The following SMAP1 variants were observed in gnomAD, a reference collection of about 807,000 sequenced individuals.
SMAP1 encodes the protein stromal membrane-associated protein 1.
A neutral mutation model predicts 58.5 loss-of-function variants in SMAP1; 24 were observed. That is an observed-to-expected ratio of 0.41 (90% CI 0.30 to 0.58). SMAP1 has a LOEUF of 0.58. SMAP1 is among the 20% of genes least tolerant of loss of function. The probability of loss-of-function intolerance (pLI) is 0.29; values close to 1 mark genes in which losing one functional copy is unlikely to be tolerated. For missense variants in SMAP1, 563 were observed against 566.3 expected, an observed-to-expected ratio of 0.99 and a Z score of 0.06; for synonymous variants, 216 against 196.6, an observed-to-expected ratio of 1.10 and a Z score of -0.82.
At chr6:70,729,893 C>T (rs1422360528) in intron 1 of SMAP1, among the ~76,000 whole-genome samples, 1 of 152,196 alleles carries the variant, frequency 6.6e-6, no homozygotes, top group Non-Finnish European at 1.5e-5. Context: ...TGGATGGCAG[C>T]ATGGGCATCA....
At chr6:70,725,407 C>G (rs1042062868) in intron 1 of SMAP1, among the ~76,000 whole-genome samples, 2 of 152,012 alleles carry the variant, frequency 1.3e-5, no homozygotes, top group Non-Finnish European at 2.9e-5. Context: ...TGAGGGAAAA[C>G]TTGTTTTTAT....
chr6:70,771,252 G>T lies in SMAP1; in HGVS notation c.339-2098G>T, dbSNP rs558583007. Among the ~76,000 whole-genome samples, 6 of 152,378 alleles carry T rather than the reference G, an allele frequency of 3.9e-5. No individual in the cohort carries two copies. The East Asian group carries it at 9.6e-4, about 24-fold the overall frequency. The stretch of plus-strand genomic sequence containing the variant: ...TGCCCATTCTCAGATCTCCAGCTGT[G>T]TGCTGGGAGCACCACTGTTCTCTTC... On this transcript the variant is annotated intron_variant, in intron 3 of 10. Transcript: ENST00000370455.
intron 1 of SMAP1, among the ~76,000 whole-genome samples, chr6:70,686,319 A>G (rs1000536490): frequency 1.3e-5 from 2 of 152,066 alleles, no homozygotes; most frequent in Admixed American, 1.3e-4. Flanking sequence ...TGTTTAGTTT[A>G]CTTTTGAAAC....
chr6:70,789,863 TTTG>T (rs1294646768), intron 4 of SMAP1, among the ~76,000 whole-genome samples: 2 of 151,962 alleles, frequency 1.3e-5, no homozygotes, highest in Non-Finnish European at 2.9e-5. Context: ...TGTCTGAATT[TTTG>T]TTGTTGTTGT....
chr6:70,787,949 G>C (rs1359744689), intron 4 of SMAP1, among the ~76,000 whole-genome samples: 1 of 151,862 alleles, frequency 6.6e-6, no homozygotes, highest in Non-Finnish European at 1.5e-5. Context: ...CCCATTACTG[G>C]GTATATACCC....
intron 7 of SMAP1, chr6:70,837,696 T>C: frequency 5.5e-6 from 4 of 727,162 alleles, no homozygotes; most frequent in Non-Finnish European, 5.2e-6. Context: ...TTTTTTCTTC[T>C]AAAAGAATTG....
intron 3 of SMAP1, among the ~76,000 whole-genome samples, chr6:70,762,911 A>G (rs1766812420): frequency 6.6e-6 from 1 of 151,960 alleles, no homozygotes; most frequent in Non-Finnish European, 1.5e-5. Context: ...TTTCACAGAT[A>G]CATGTTATTT....
At chr6:70,706,802 A>G (rs1767858606) in intron 1 of SMAP1, among the ~76,000 whole-genome samples, 1 of 152,170 alleles carries the variant, frequency 6.6e-6, no homozygotes, top group Admixed American at 6.5e-5. Flanking sequence ...TTTTGGCATG[A>G]ATGTATGGTC....
At chr6:70,765,686 T>C (rs1766941561) in intron 3 of SMAP1, among the ~76,000 whole-genome samples, 1 of 152,190 alleles carries the variant, frequency 6.6e-6, no homozygotes, top group Non-Finnish European at 1.5e-5. Context: ...ATTGTATACT[T>C]GACAAATTTT....
chr6:70,740,989 G>A (rs1331746372), intron 2 of SMAP1, among the ~76,000 whole-genome samples: 1 of 152,128 alleles, frequency 6.6e-6, no homozygotes, highest in African/African-American at 2.4e-5. Context: ...ACAGTAAGGG[G>A]AAAACCGCCC....
chr6:70,783,384 A>G (rs886971978), intron 4 of SMAP1, among the ~76,000 whole-genome samples: 9 of 152,196 alleles, frequency 5.9e-5, no homozygotes, highest in Non-Finnish European at 2.9e-5. Context: ...AAACTCTAAA[A>G]AGCAGAGCAC....
chr6:70,817,697 T>A (rs1769699283), intron 6 of SMAP1, among the ~76,000 whole-genome samples: 1 of 152,194 alleles, frequency 6.6e-6, no homozygotes, highest in Admixed American at 6.5e-5. Context: ...ATCTCTTTGT[T>A]GATTTTAAAG....
chr6:70,805,083 C>T (rs1769059410), intron 6 of SMAP1, among the ~76,000 whole-genome samples: 1 of 152,094 alleles, frequency 6.6e-6, no homozygotes, highest in South Asian at 2.1e-4. Context: ...TGGATAATAT[C>T]CTGAAGAGTG....
At chr6:70,818,948 G>A (rs901117924) in intron 6 of SMAP1, among the ~76,000 whole-genome samples, 3 of 151,938 alleles carry the variant, frequency 2.0e-5, no homozygotes, top group Admixed American at 6.6e-5. Flanking sequence ...CAGCAGTTGC[G>A]TAGCCATCAC....
rs551822056 is a variant in SMAP1 at position 70,697,993 on chromosome 6, C to T, written c.118+29852C>T. On this transcript the variant is annotated intron_variant, in intron 1 of 10. Coordinates refer to ENST00000370455, the MANE Select transcript of SMAP1 (RefSeq NM_001044305.3). ...CGTTTTTTTGTGTGCTTACTATTAC[C>T]AGTGAGCTTTTTACCTTAAGATGAT... is the stretch of plus-strand genomic sequence containing the variant. Among the ~76,000 whole-genome samples, 3 of 152,230 alleles carry T rather than the reference C, an allele frequency of 2.0e-5. No homozygotes were observed. The South Asian group carries it at 6.2e-4, about 32-fold the overall frequency.
At chr6:70,712,792 C>A (rs1292172821) in intron 1 of SMAP1, among the ~76,000 whole-genome samples, 1 of 130,376 alleles carries the variant, frequency 7.7e-6, no homozygotes, top group East Asian at 2.1e-4. Flanking sequence ...TTCTTTTTTT[C>A]TTTTCTTTTT....
chr6:70,782,805 T>C (rs1281915981), intron 4 of SMAP1, among the ~76,000 whole-genome samples: 1 of 152,202 alleles, frequency 6.6e-6, no homozygotes, highest in Non-Finnish European at 1.5e-5. Flanking sequence ...CTGACCCAGA[T>C]GGCCAGTATG....
chr6:70,791,797 T>G, intron 5 of SMAP1, 28 bp downstream of exon 5: 3 of 1,572,410 alleles, frequency 1.9e-6, no homozygotes. Flanking sequence ...CCAGCTACAT[T>G]ATGTAGTGTT....
chr6:70,831,424 C>G (rs765464741), intron 6 of SMAP1, among the ~76,000 whole-genome samples: 3 of 152,138 alleles, frequency 2.0e-5, no homozygotes, highest in Non-Finnish European at 4.4e-5. Flanking sequence ...CTTCCACCCT[C>G]CAACCTGAAG....
Sources: gnomAD v4.1 joint callset for allele counts (sites outside exome capture counted in the v4.1 genomes callset) on GRCh38, gnomAD v4.1.1 for gene constraint, MANE v1.5 for transcripts, NCBI Gene and HGNC (gene_info 2026-07-23, HGNC 2026-07-21) for gene names.